The following UNC13C variants were observed in gnomAD, a reference collection of about 807,000 sequenced individuals.
The protein encoded by UNC13C is protein unc-13 homolog C.
In UNC13C, 174 loss-of-function variants were observed where a neutral mutation model predicts 245.4. The ratio of observed to expected loss-of-function variants is 0.71; its 90% CI spans 0.63 to 0.80. The LOEUF (loss-of-function observed/expected upper bound fraction) is 0.80, where lower values mean the gene tolerates loss of function less well. UNC13C is among the 30% of genes least tolerant of loss of function. The pLI, the probability that UNC13C is intolerant of heterozygous loss-of-function variation, is 0.00. For missense variants in UNC13C, 2,829 were observed against 2,602.9 expected, an observed-to-expected ratio of 1.09 and a Z score of -1.89; for synonymous variants, 992 against 895.1, an observed-to-expected ratio of 1.11 and a Z score of -1.93.
At chr15:54,047,445 C>A (rs1433432977) in intron 2 of UNC13C, among the ~76,000 whole-genome samples, 1 of 151,958 alleles carries the variant, frequency 6.6e-6, no homozygotes, top group Admixed American at 6.6e-5. Flanking sequence ...CTCTGGTAAA[C>A]ACTGTTCTCC....
intron 1 of UNC13C, among the ~76,000 whole-genome samples, chr15:54,010,294 TAGG>T (rs1895324183): frequency 6.6e-6 from 1 of 152,228 alleles, no homozygotes; most frequent in South Asian, 2.1e-4. Context: ...TATAGTCAGA[TAGG>T]AGAGGCAGAC....
At chr15:54,460,513 G>C (rs1290486890) in intron 19 of UNC13C, among the ~76,000 whole-genome samples, 1 of 152,182 alleles carries the variant, frequency 6.6e-6, no homozygotes, top group East Asian at 1.9e-4. Context: ...GGCTGGAGTT[G>C]GTTGGCCTCC....
At chr15:54,010,810 C>G (rs1436059851) in intron 1 of UNC13C, among the ~76,000 whole-genome samples, 2 of 151,960 alleles carry the variant, frequency 1.3e-5, no homozygotes, top group South Asian at 2.1e-4. Flanking sequence ...CAGGTATGAA[C>G]ATGGGATGGA....
intron 19 of UNC13C, among the ~76,000 whole-genome samples, chr15:54,469,806 G>A (rs1039529972): frequency 6.6e-6 from 1 of 151,484 alleles, no homozygotes; most frequent in African/African-American, 2.4e-5. Flanking sequence ...AACAGAAGTG[G>A]TGAGAGTAGC....
At chr15:53,923,217 A>G in the UNC13C span, among the ~76,000 whole-genome samples, 1 of 152,242 alleles carries the variant, frequency 6.6e-6, no homozygotes, top group Non-Finnish European at 1.5e-5. Flanking sequence ...AATCACATCT[A>G]AAGCCCTTAG....
intron 20 of UNC13C, among the ~76,000 whole-genome samples, chr15:54,495,854 A>G (rs1173775062): frequency 6.6e-6 from 1 of 151,922 alleles, no homozygotes; most frequent in Non-Finnish European, 1.5e-5. Context: ...CTTTAACACA[A>G]CTTTTCTCAT....
At chr15:54,432,559 A>G (rs777543128) in intron 19 of UNC13C, among the ~76,000 whole-genome samples, 2 of 152,014 alleles carry the variant, frequency 1.3e-5, no homozygotes, top group Non-Finnish European at 2.9e-5. Flanking sequence ...AATGAGAACA[A>G]AGACACAACG....
chr15:54,146,884 G>A (rs954011984), intron 4 of UNC13C, among the ~76,000 whole-genome samples: 1 of 152,176 alleles, frequency 6.6e-6, no homozygotes, highest in African/African-American at 2.4e-5. Context: ...AGTATATGGA[G>A]CAGGAAGGTG....
intron 24 of UNC13C, among the ~76,000 whole-genome samples, chr15:54,515,203 A>G (rs1418929460): frequency 1.3e-5 from 2 of 152,188 alleles, no homozygotes; most frequent in Non-Finnish European, 2.9e-5. Context: ...GGGAATCACT[A>G]TACTAAAACA....
At chr15:53,945,677 T>A in the UNC13C span, among the ~76,000 whole-genome samples, 1 of 152,200 alleles carries the variant, frequency 6.6e-6, no homozygotes, top group Non-Finnish European at 1.5e-5. Flanking sequence ...TCAGGTAGCG[T>A]GATGCCACCA....
In UNC13C at chr15:54,628,388, T is replaced by G. The variant is rs1184560797; in HGVS notation, c.*1275T>G. Reference sequence around the variant, plus strand: ...ACAAGAGCCTGTTATGATTGTGCTTTGTGAACAAGCTGATCTAATACGTTA... The same window carrying G: ...ACAAGAGCCTGTTATGATTGTGCTTGGTGAACAAGCTGATCTAATACGTTA... On this transcript the variant is annotated 3_prime_UTR_variant, in exon 33 of 33. Transcript: ENST00000260323. 1 of 148,572 alleles carries G rather than the reference T, an allele frequency of 6.7e-6. No homozygotes were observed. Among genetic ancestry groups the G allele is most frequent in the Non-Finnish European group, 1.5e-5 (1 of 66,480 alleles). 9.2% of individuals were successfully genotyped at this position (148,572 alleles called of 1,614,324 possible). A position where few individuals can be genotyped will look rare whatever the true frequency, so the allele number is the denominator to read the frequency against.
intron 1 of UNC13C, among the ~76,000 whole-genome samples, chr15:53,989,260 A>C (rs1894277070): frequency 6.6e-6 from 1 of 151,952 alleles, no homozygotes. Context: ...GATGAAGGCA[A>C]GGTTATGCAA....
chr15:54,354,043 G>C (rs1019277793), intron 17 of UNC13C, among the ~76,000 whole-genome samples: 1 of 152,200 alleles, frequency 6.6e-6, no homozygotes, highest in Admixed American at 6.5e-5. Flanking sequence ...TTTTGGCAAG[G>C]AGTGGATGTC....
At chr15:54,308,200 G>A (rs1194889985) in intron 13 of UNC13C, among the ~76,000 whole-genome samples, 2 of 151,868 alleles carry the variant, frequency 1.3e-5, no homozygotes, top group Non-Finnish European at 2.9e-5. Flanking sequence ...ATGTGAGTTA[G>A]AGGATTGTTT....
rs34847215 is a variant in UNC13C at position 54,567,215 on chromosome 15, C to CAA, written c.5959-578_5959-577dup. ...TTTGAGTTTGGTTGAATAAAAATAG[C>CAA]AAAAAAAAGTATTATTATATTTATC... On this transcript the variant is annotated intron_variant, in intron 29 of 32. Coordinates refer to ENST00000260323, the MANE Select transcript of UNC13C (RefSeq NM_001080534.3). 7.3e-5 allele frequency among the ~76,000 whole-genome samples: 11 copies of CAA among 151,286 alleles called. No homozygotes were observed. The East Asian group carries it at 9.8e-4, about 13-fold the overall frequency.
the UNC13C span, among the ~76,000 whole-genome samples, chr15:53,922,870 G>A: frequency 6.6e-6 from 1 of 152,116 alleles, no homozygotes; most frequent in East Asian, 1.9e-4. Context: ...CTATAGCTGA[G>A]AACTTTTTTG....
the UNC13C span, among the ~76,000 whole-genome samples, chr15:53,893,439 T>G: frequency 6.6e-6 from 1 of 152,236 alleles, no homozygotes; most frequent in Non-Finnish European, 1.5e-5. Context: ...TTAAATCTGC[T>G]GAAGCTGCAC....
chr15:53,906,361 T>C, the UNC13C span, among the ~76,000 whole-genome samples: 2 of 152,208 alleles, frequency 1.3e-5, no homozygotes, highest in Non-Finnish European at 2.9e-5. Context: ...ATATCCCAAC[T>C]ACTGCACTAG....
At chr15:54,331,108 AC>A (rs2038424569) in intron 14 of UNC13C, among the ~76,000 whole-genome samples, 1 of 152,046 alleles carries the variant, frequency 6.6e-6, no homozygotes. Context: ...CCTCTGTGAA[AC>A]TACTGAGAAA....
Sources: allele counts gnomAD v4.1 joint callset (sites outside exome capture counted in the v4.1 genomes callset), GRCh38; gene constraint gnomAD v4.1.1; transcripts MANE v1.5; gene names NCBI Gene and HGNC (gene_info 2026-07-23, HGNC 2026-07-21).